The following ADAM12 variants were observed in gnomAD, a reference collection of about 807,000 sequenced individuals.
ADAM12 encodes disintegrin and metalloproteinase domain-containing protein 12.
Under a neutral mutation model 106.4 loss-of-function variants are expected in ADAM12, and 70 were observed. The ratio of observed to expected loss-of-function variants is 0.66; its 90% confidence interval spans 0.54 to 0.80. The LOEUF is 0.80. ADAM12 is among the 30% of genes least tolerant of loss of function. The pLI, the probability that ADAM12 is intolerant of heterozygous loss-of-function variation, is 0.00. For missense variants in ADAM12, 1,010 were observed against 1,171.9 expected (o/e 0.86, Z 2.02); for synonymous variants, 420 against 433.5 (o/e 0.97, Z 0.39).
intron 3 of ADAM12, among the ~76,000 whole-genome samples, chr10:126,267,016 C>T (rs1451350454): frequency 2.0e-5 from 3 of 152,144 alleles, no homozygotes; most frequent in Non-Finnish European, 2.9e-5. Context: ...GTCCTAACAA[C>T]CTGGGAGGAA....
intron 3 of ADAM12, among the ~76,000 whole-genome samples, chr10:126,277,382 A>G (rs1590721618): frequency 6.6e-6 from 1 of 152,266 alleles, no homozygotes; most frequent in Non-Finnish European, 1.5e-5. Flanking sequence ...TTCTTCCAAC[A>G]GCCTAACAAT....
intron 5 of ADAM12, among the ~76,000 whole-genome samples, chr10:126,122,629 C>A (rs1397760777): frequency 6.6e-6 from 1 of 152,092 alleles, no homozygotes; most frequent in Non-Finnish European, 1.5e-5. Context: ...GGTGTGGTGG[C>A]ACGCACCTGT....
intron 2 of ADAM12, among the ~76,000 whole-genome samples, chr10:126,304,373 A>G (rs1378651833): frequency 1.3e-5 from 2 of 151,974 alleles, no homozygotes; most frequent in Non-Finnish European, 2.9e-5. Context: ...CAGATGGAAA[A>G]GTAGAAAATA....
At chr10:126,254,199 C>T (rs532321443) in intron 3 of ADAM12, among the ~76,000 whole-genome samples, 217 of 152,300 alleles carry the variant, frequency 1.4e-3, no homozygotes, top group Non-Finnish European at 2.5e-3. Context: ...AGGCAGCCTC[C>T]CTGGGTCTGC....
chr10:126,058,230 T>C (rs942254878), intron 14 of ADAM12, among the ~76,000 whole-genome samples: 11 of 152,232 alleles, frequency 7.2e-5, no homozygotes, highest in African/African-American at 2.2e-4. Flanking sequence ...CTCCTACCTG[T>C]GGGCAGGGAT....
chr10:126,253,697 G>T (rs2279755), intron 3 of ADAM12, among the ~76,000 whole-genome samples: 4 of 151,946 alleles, frequency 2.6e-5, no homozygotes, highest in South Asian at 2.1e-4. Flanking sequence ...TGGGTTGGGT[G>T]GGGGGAGGGC....
chr10:126,310,264 T>C (rs1051619612), intron 2 of ADAM12, among the ~76,000 whole-genome samples: 5 of 150,270 alleles, frequency 3.3e-5, no homozygotes, highest in South Asian at 2.1e-4. Flanking sequence ...ACCCTGGGAG[T>C]TGCATACATT....
intron 3 of ADAM12, among the ~76,000 whole-genome samples, chr10:126,203,353 G>T (rs60980008): frequency 6.6e-6 from 1 of 152,106 alleles, no homozygotes; most frequent in South Asian, 2.1e-4. Flanking sequence ...AAATAGCTTG[G>T]TTCAGTTGTT....
intron 8 of ADAM12, among the ~76,000 whole-genome samples, chr10:126,108,285 G>C (rs1433557959): frequency 6.6e-6 from 1 of 152,202 alleles, no homozygotes; most frequent in African/African-American, 2.4e-5. Context: ...AGGATCAGGT[G>C]AACTCTGTAG....
chr10:126,122,101 C>A (rs948781660), intron 5 of ADAM12, among the ~76,000 whole-genome samples: 1 of 152,180 alleles, frequency 6.6e-6, no homozygotes, highest in African/African-American at 2.4e-5. Flanking sequence ...CTTAATCCTT[C>A]AGAGAAGAAG....
At chr10:126,056,365 C>T (rs181726345) in intron 14 of ADAM12, among the ~76,000 whole-genome samples, 1 of 152,238 alleles carries the variant, frequency 6.6e-6, no homozygotes, top group East Asian at 1.9e-4. Context: ...CATGTAAACA[C>T]GGGGATAGGA....
intron 5 of ADAM12, among the ~76,000 whole-genome samples, chr10:126,119,384 G>A (rs879400521): frequency 6.6e-6 from 1 of 152,176 alleles, no homozygotes; most frequent in Non-Finnish European, 1.5e-5. Context: ...CTTAGCCCAG[G>A]GGAGGCCCCA....
At chr10:126,344,455 C>G (rs1315580285) in intron 1 of ADAM12, among the ~76,000 whole-genome samples, 3 of 152,180 alleles carry the variant, frequency 2.0e-5, no homozygotes, top group East Asian at 1.9e-4. Flanking sequence ...GTCAGGTAGT[C>G]TGATGCCTCC....
At chr10:126,204,972 C>G (rs1261448338) in intron 3 of ADAM12, among the ~76,000 whole-genome samples, 1 of 152,128 alleles carries the variant, frequency 6.6e-6, no homozygotes, top group Non-Finnish European at 1.5e-5. Context: ...AGGTTCTTGG[C>G]CAGGGTGGAT....
At chr10:126,038,125 G>A in intron 20 of ADAM12, 116 bp downstream of exon 20, 1 of 995,266 alleles carries the variant, frequency 1.0e-6, no homozygotes, top group South Asian at 1.4e-5. Flanking sequence ...GACCTAGTGA[G>A]GCTGACTCAG....
intron 11 of ADAM12, among the ~76,000 whole-genome samples, chr10:126,089,954 A>AT (rs1955431038): frequency 6.6e-6 from 1 of 151,734 alleles, no homozygotes; most frequent in Non-Finnish European, 1.5e-5. Flanking sequence ...TATTACTTTT[A>AT]TTTTTTTATT....
chr10:126,137,016 C>T (rs113923019), intron 4 of ADAM12, among the ~76,000 whole-genome samples: 2,760 of 152,184 alleles, frequency 0.018, 80 homozygotes, highest in African/African-American at 0.062. Context: ...CTCAAGGTGG[C>T]TGTTTTCAGG....
Position 126,376,186 on chromosome 10 carries a change from G to A in ADAM12, c.88+11872C>T, listed in dbSNP as rs187965633. Among the ~76,000 whole-genome samples the A allele has an allele frequency of 5.2e-3, 798 of 152,058 alleles. 6 individuals are homozygous for A. Among genetic ancestry groups the A allele is most frequent in the African/African-American group, 0.019 (767 of 41,454 alleles). The stretch of plus-strand genomic sequence containing the variant: ...ATTATTCTCTTAGAATTTCTATGAC[G>A]TCAATCTACAGACAAACTATTAGAA... On this transcript the variant is annotated intron_variant, in intron 1 of 22. Coordinates refer to ENST00000448723, the MANE Select transcript of ADAM12 (RefSeq NM_001288973.2).
chr10:126,347,443 C>T lies in ADAM12; in HGVS notation c.89-16934G>A, dbSNP rs541203962. On this transcript the variant is annotated intron_variant, in intron 1 of 22. Coordinates refer to ENST00000448723, the MANE Select transcript of ADAM12 (RefSeq NM_001288973.2). Reference sequence around the variant, plus strand: ...TGGGTAACCCGACCTTTCTCTCTGGCTGCCCTTAACATTCTTTCCTTCATT... The same window carrying T: ...TGGGTAACCCGACCTTTCTCTCTGGTTGCCCTTAACATTCTTTCCTTCATT... 1.7e-3 allele frequency among the ~76,000 whole-genome samples: 257 copies of T among 152,322 alleles called. 7 individuals are homozygous for T. The highest frequency in any genetic ancestry group is 9.3e-3 in the South Asian group (45 of 4,826).
Sources: gnomAD v4.1 joint callset for allele counts (sites outside exome capture counted in the v4.1 genomes callset) on GRCh38, gnomAD v4.1.1 for gene constraint, MANE v1.5 for transcripts, NCBI Gene and HGNC (gene_info 2026-07-23, HGNC 2026-07-21) for gene names.